Variants in SNX18 observed in about 807,000 individuals in gnomAD.
SNX18 encodes the protein sorting nexin 18, also known as sorting nexin-18.
SNX18 carries 35 observed loss-of-function variants against 48.7 expected under a neutral mutation model. That is an observed-to-expected ratio of 0.72 (90% CI 0.55 to 0.95). The LOEUF is 0.95. SNX18 is among the 40% of genes least tolerant of loss of function. The probability of loss-of-function intolerance (pLI) is 0.00; values close to 1 mark genes in which losing one functional copy is unlikely to be tolerated. For synonymous variants in SNX18, 492 were observed against 384.7 expected, an observed-to-expected ratio of 1.28 and a Z score of -3.26; for missense variants, 824 against 871.0, an observed-to-expected ratio of 0.95 and a Z score of 0.68.
chr5:54,607,362 T>C, the SNX18 span, among the ~76,000 whole-genome samples: 5 of 152,206 alleles, frequency 3.3e-5, no homozygotes, highest in Non-Finnish European at 5.9e-5. Flanking sequence ...TTTGGACCTG[T>C]TTGGGAAGCT....
At chr5:54,608,352 T>C in the SNX18 span, among the ~76,000 whole-genome samples, 15 of 152,242 alleles carry the variant, frequency 9.9e-5, no homozygotes, top group Non-Finnish European at 1.8e-4. Context: ...GCCCATTTTC[T>C]AATATGAACT....
At chr5:54,565,747 C>T in the SNX18 span, among the ~76,000 whole-genome samples, 1 of 152,122 alleles carries the variant, frequency 6.6e-6, no homozygotes, top group Non-Finnish European at 1.5e-5. Flanking sequence ...TTGAATTTGT[C>T]AGCAGTGGAA....
chr5:54,549,781 T>C (rs1399448744), downstream of SNX18, among the ~76,000 whole-genome samples: 1 of 152,192 alleles, frequency 6.6e-6, no homozygotes, highest in Non-Finnish European at 1.5e-5. Context: ...AACCCTGGCC[T>C]CGTGTTACAT....
chr5:54,567,870 C>A, the SNX18 span, among the ~76,000 whole-genome samples: 1 of 152,198 alleles, frequency 6.6e-6, no homozygotes, highest in African/African-American at 2.4e-5. Context: ...TCAGAGCCCA[C>A]TGGTGCTGAT....
At chr5:54,581,168 A>G in the SNX18 span, among the ~76,000 whole-genome samples, 1 of 152,098 alleles carries the variant, frequency 6.6e-6, no homozygotes, top group African/African-American at 2.4e-5. Flanking sequence ...GAATTCTGTG[A>G]CTGCAGTCTA....
intron 1 of SNX18, among the ~76,000 whole-genome samples, chr5:54,542,727 C>T (rs1421507042): frequency 6.6e-6 from 1 of 152,194 alleles, no homozygotes; most frequent in Admixed American, 6.5e-5. Context: ...TTTAGTGAGA[C>T]TTTCTGAGGA....
At chr5:54,527,326 A>G (rs191121749) in intron 1 of SNX18, among the ~76,000 whole-genome samples, 1 of 144,792 alleles carries the variant, frequency 6.9e-6, no homozygotes, top group Non-Finnish European at 1.5e-5. Context: ...CCTGGACCAG[A>G]GTGGAGACAA....
chr5:54,530,545 C>A (rs551519475), intron 1 of SNX18, among the ~76,000 whole-genome samples: 1 of 152,188 alleles, frequency 6.6e-6, no homozygotes, highest in East Asian at 1.9e-4. Context: ...AGGTTTCAAA[C>A]CAAAGAGTGA....
At chr5:54,633,420 G>A in the SNX18 span, among the ~76,000 whole-genome samples, 1 of 152,144 alleles carries the variant, frequency 6.6e-6, no homozygotes, top group African/African-American at 2.4e-5. Flanking sequence ...AGAGTTGGGT[G>A]ACTGAATGAA....
At chr5:54,588,306 CTTTTTTTTTTTTTTTTTTTTTTTTTTTT>C in the SNX18 span, among the ~76,000 whole-genome samples, 1 of 73,910 alleles carries the variant, frequency 1.4e-5, no homozygotes, top group South Asian at 5.2e-4. Context: ...TATTTCTATT[CTTTTTTTTTTTTTTTTTTTTTTTTTTTT>C]TTTTTTTTTT....
the SNX18 span, among the ~76,000 whole-genome samples, chr5:54,577,724 G>C: frequency 6.6e-6 from 1 of 152,178 alleles, no homozygotes; most frequent in Non-Finnish European, 1.5e-5. Context: ...GCCTTCCCCA[G>C]GCATGTGCAA....
rs377155042 is a variant in SNX18 at position 54,519,056 on chromosome 5, G to C, written c.1104G>C (p.Val368=). The change falls in exon 1 of 2, where the codon GTG becomes GTC. Residue 368 remains valine (V), a synonymous_variant. Coordinates refer to ENST00000381410, the MANE Select transcript of SNX18 (RefSeq NM_001102575.2). ...WWMNHMASHP[V]LAQCDVFQHF... ...TGAACCACATGGCCAGCCACCCAGTGCTGGCGCAGTGCGACGTCTTCCAGC... is the reference window on the plus strand; with the variant it reads ...TGAACCACATGGCCAGCCACCCAGTCCTGGCGCAGTGCGACGTCTTCCAGC... 3 of 1,613,750 alleles carry C rather than the reference G, an allele frequency of 1.9e-6. No homozygotes were observed. The highest frequency in any genetic ancestry group is 2.5e-6 in the Non-Finnish European group (3 of 1,179,970).
rs1397517105 is a variant in SNX18 at position 54,519,584 on chromosome 5, G to A, written c.1621+11G>A. ...TCCACGTTCAGAAAGGTAAAGCCTG[G>A]CCCTTAGAGCAGGTGATATGGAGTG... On this transcript the variant is annotated intron_variant, in intron 1 of 1. Coordinates refer to ENST00000381410, the MANE Select transcript of SNX18 (RefSeq NM_001102575.2). The A allele has an allele frequency of 6.2e-7, 1 of 1,614,232 alleles. No individual in the cohort carries two copies. The highest frequency in any genetic ancestry group is 8.5e-7 in the Non-Finnish European group (1 of 1,180,052).
Position 54,543,579 on chromosome 5 carries a change from T to C in SNX18, c.*147T>C. 1.1e-6 allele frequency: 1 copy of C among 877,064 alleles called. No homozygotes were observed. The highest frequency in any genetic ancestry group is 1.7e-5 in the African/African-American group (1 of 58,722). 54.3% of individuals were successfully genotyped at this position (877,064 alleles called of 1,614,324 possible). A position where few individuals can be genotyped will look rare whatever the true frequency, so the allele number is the denominator to read the frequency against. On this transcript the variant is annotated 3_prime_UTR_variant, in exon 2 of 2. Transcript: ENST00000381410. ...TCTGAAACCCAGCTGAATTTATAAT[T>C]ATGTAGGAAATAAACAGTTAATATG...
At chr5:54,632,296 G>C in the SNX18 span, among the ~76,000 whole-genome samples, 1 of 152,274 alleles carries the variant, frequency 6.6e-6, no homozygotes, top group African/African-American at 2.4e-5. Context: ...ACATGTTCTT[G>C]GCAGAGATGC....
the SNX18 span, among the ~76,000 whole-genome samples, chr5:54,617,817 C>T: frequency 6.6e-6 from 1 of 152,142 alleles, no homozygotes. Context: ...CCTGCCTCGG[C>T]CTCTCCAAGT....
At chr5:54,540,578 A>T (rs1321268473) in intron 1 of SNX18, among the ~76,000 whole-genome samples, 1 of 151,536 alleles carries the variant, frequency 6.6e-6, no homozygotes, top group East Asian at 1.9e-4. Flanking sequence ...TATATAACAC[A>T]GTGCAGTTTG....
chr5:54,598,724 A>G, the SNX18 span, among the ~76,000 whole-genome samples: 10 of 152,256 alleles, frequency 6.6e-5, no homozygotes, highest in East Asian at 1.9e-3. Flanking sequence ...GTATTGAAGG[A>G]ACATACCTCA....
chr5:54,521,056 CTGGTGT>C (rs1046425092), intron 1 of SNX18: 26 of 155,804 alleles, frequency 1.7e-4, no homozygotes, highest in African/African-American at 5.8e-4. Context: ...ACTTTTTTGA[CTGGTGT>C]TGGTGGAACT....
Sources: gnomAD v4.1 joint callset for allele counts (sites outside exome capture counted in the v4.1 genomes callset) on GRCh38, gnomAD v4.1.1 for gene constraint, MANE v1.5 for transcripts, NCBI Gene and HGNC (gene_info 2026-07-23, HGNC 2026-07-21) for gene names.